The following FLYWCH1 variants were observed in gnomAD, a reference collection of about 807,000 sequenced individuals.
The protein encoded by FLYWCH1 is FLYWCH-type zinc finger 1.
FLYWCH1 carries 75 observed loss-of-function variants against 66.4 expected under a neutral mutation model. The observed-to-expected ratio is 1.13, with a 90% CI of 0.94 to 1.37. The LOEUF is 1.37. FLYWCH1 is among the 40% of genes most tolerant of loss of function. The probability of loss-of-function intolerance (pLI) is 0.00; values close to 1 mark genes in which losing one functional copy is unlikely to be tolerated. For missense variants in FLYWCH1, 1,334 were observed against 1,001.8 expected, an observed-to-expected ratio of 1.33 and a Z score of -4.48; for synonymous variants, 595 against 429.9, an observed-to-expected ratio of 1.38 and a Z score of -4.75.
At chr16:2,931,059 C>T (rs2070745447) in intron 4 of FLYWCH1, among the ~76,000 whole-genome samples, 179 bp downstream of exon 4, 2 of 152,208 alleles carry the variant, frequency 1.3e-5, no homozygotes, top group South Asian at 4.1e-4. Context: ...AATCCCAGCA[C>T]TTTGGGAGGC....
intron 2 of FLYWCH1, among the ~76,000 whole-genome samples, chr16:2,927,799 T>C (rs1567328719): frequency 6.6e-6 from 1 of 152,142 alleles, no homozygotes; most frequent in Non-Finnish European, 1.5e-5. Context: ...ATGAGACTGA[T>C]AAAAGAAATA....
chr16:2,926,984 G>A (rs2070589771), intron 2 of FLYWCH1, among the ~76,000 whole-genome samples: 2 of 152,152 alleles, frequency 1.3e-5, no homozygotes, highest in African/African-American at 4.8e-5. Flanking sequence ...TCCAGATACA[G>A]TATCCACAAT....
chr16:2,927,597 C>G (rs1416218355), intron 2 of FLYWCH1, among the ~76,000 whole-genome samples: 1 of 152,086 alleles, frequency 6.6e-6, no homozygotes, highest in Admixed American at 6.5e-5. Flanking sequence ...TTTAGGAGGA[C>G]AAGTTAGAAC....
chr16:2,930,475 T>G lies in FLYWCH1; in HGVS notation c.391T>G (p.Phe131Val). The change falls in exon 4 of 10, where the codon TTC (phenylalanine) becomes GTC (valine). Residue 131 changes from phenylalanine to valine, a missense_variant. By Grantham distance (50) the Phe-to-Val change is conservative. Coordinates refer to ENST00000253928, the MANE Select transcript of FLYWCH1 (RefSeq NM_001308068.2). The stretch of plus-strand genomic sequence containing the variant: ...GGGCCGCCTCCTGGTGCTGGAGTCC[T>G]TCCTGTACAAGCAGGAGAAGGCAGT... ...FGGRLLVLES[F>V]LYKQEKAVGD... 1 of 1,520,842 alleles carries G rather than the reference T, an allele frequency of 6.6e-7. No homozygotes were observed. Among genetic ancestry groups the G allele is most frequent in the East Asian group, 2.4e-5 (1 of 41,452 alleles). The allele number at this position is 1,520,842 out of a possible 1,614,324, so 94.2% of individuals were successfully genotyped here.
At chr16:2,915,835 T>C (rs939108023) in intron 2 of FLYWCH1, among the ~76,000 whole-genome samples, 1 of 151,016 alleles carries the variant, frequency 6.6e-6, no homozygotes, top group African/African-American at 2.4e-5. Context: ...CAAAGAAGAA[T>C]CTACAAGATT....
chr16:2,914,239 C>T lies in FLYWCH1; in HGVS notation c.-124C>T, dbSNP rs77881526. The T allele has an allele frequency of 1.2e-4, 19 of 152,376 alleles. No homozygotes were observed. The highest frequency in any genetic ancestry group is 7.8e-4 in the Admixed American group (12 of 15,306). The allele number at this position is 152,376 out of a possible 1,614,324, so 9.4% of individuals were successfully genotyped here. A position where few individuals can be genotyped will look rare whatever the true frequency, so the allele number is the denominator to read the frequency against. Reference sequence around the variant, plus strand: ...GGGCTCCTGCCCAGCAAGCCAGCGCCGTGACCCAGGTGTGGGGGATGATGG... The same window carrying T: ...GGGCTCCTGCCCAGCAAGCCAGCGCTGTGACCCAGGTGTGGGGGATGATGG... On this transcript the variant is annotated 5_prime_UTR_variant, in exon 2 of 10. Coordinates refer to ENST00000253928, the MANE Select transcript of FLYWCH1 (RefSeq NM_001308068.2).
At chr16:2,917,293 G>GA (rs2070204933) in intron 2 of FLYWCH1, among the ~76,000 whole-genome samples, 1 of 148,600 alleles carries the variant, frequency 6.7e-6, no homozygotes, top group South Asian at 2.2e-4. Flanking sequence ...GCAATGGTGG[G>GA]ATCTCTGCTC....
At chr16:2,936,568 C>G (rs1224407965) in intron 6 of FLYWCH1, 10 of 456,630 alleles carry the variant, frequency 2.2e-5, no homozygotes, top group East Asian at 7.0e-5. Context: ...GCCCCTGAGC[C>G]TGCACGGAGG....
Position 2,930,728 on chromosome 16 carries a change from C to T in FLYWCH1, c.644C>T (p.Pro215Leu), listed in dbSNP as rs1398522419. 1 of 1,551,122 alleles carries T rather than the reference C, an allele frequency of 6.4e-7. No individual in the cohort carries two copies. The highest frequency in any genetic ancestry group is 1.4e-5 in the African/African-American group (1 of 73,246). Residue 215 changes from proline (P) to leucine (L), a missense_variant, in exon 4 of 10, where the codon CCC (proline) becomes CTC (leucine). By Grantham distance (98) the Pro-to-Leu change is moderately conservative. Coordinates refer to ENST00000253928, the MANE Select transcript of FLYWCH1 (RefSeq NM_001308068.2). ...PEGPGGRVEE[P>L]LEGVGPWQCP... ...GGCCCTGGAGGCCGAGTGGAGGAGC[C>T]CCTGGAGGGGGTGGGCCCGTGGCAG...
chr16:2,921,791 T>G (rs1000421486), intron 2 of FLYWCH1, among the ~76,000 whole-genome samples: 1 of 152,102 alleles, frequency 6.6e-6, no homozygotes, highest in Non-Finnish European at 1.5e-5. Flanking sequence ...TGGCCGGGTG[T>G]GGTGGCTCAC....
At chr16:2,914,115 C>G (rs984917117) in intron 1 of FLYWCH1, 61 bp from the exon 2 acceptor site, 1 of 152,226 alleles carries the variant, frequency 6.6e-6, no homozygotes, top group African/African-American at 2.4e-5. Flanking sequence ...GTCTAATGGT[C>G]GACAGTTCAT....
intron 6 of FLYWCH1, chr16:2,935,798 T>C (rs1452723074): frequency 6.6e-6 from 1 of 152,356 alleles, no homozygotes; most frequent in Admixed American, 6.5e-5. Context: ...TTTTAGGCTT[T>C]GGGCTTGTGT....
intron 2 of FLYWCH1, among the ~76,000 whole-genome samples, chr16:2,925,590 C>A (rs1176618006): frequency 6.5e-5 from 7 of 107,336 alleles, no homozygotes; most frequent in Admixed American, 1.0e-4. Context: ...GAGGGGGGTA[C>A]GGGGCTTTCC....
At chr16:2,929,077 C>T (rs987036324) in intron 2 of FLYWCH1, among the ~76,000 whole-genome samples, 1 of 152,194 alleles carries the variant, frequency 6.6e-6, no homozygotes, top group African/African-American at 2.4e-5. Context: ...CGTACCAGGC[C>T]CACATGCCTG....
intron 2 of FLYWCH1, among the ~76,000 whole-genome samples, chr16:2,928,394 C>T (rs549733371): frequency 6.6e-6 from 1 of 152,286 alleles, no homozygotes; most frequent in African/African-American, 2.4e-5. Context: ...AAACCTTGGA[C>T]AATACCTAGG....
intron 2 of FLYWCH1, chr16:2,922,610 A>T: frequency 2.9e-6 from 1 of 345,308 alleles, no homozygotes; most frequent in South Asian, 2.5e-5. Flanking sequence ...AGATTTTTTT[A>T]TGGTGAAAAG....
chr16:2,941,644 G>T (rs2071266338), intron 9 of FLYWCH1, among the ~76,000 whole-genome samples: 1 of 149,236 alleles, frequency 6.7e-6, no homozygotes, highest in South Asian at 2.1e-4. Flanking sequence ...TGGGTGGCTA[G>T]GGTGGGAGGA....
intron 4 of FLYWCH1, among the ~76,000 whole-genome samples, chr16:2,932,273 A>G (rs2070792126): frequency 3.2e-5 from 2 of 63,112 alleles, no homozygotes; most frequent in Non-Finnish European, 6.8e-5. Context: ...CCTGTCTCAA[A>G]AAAAAAAAAA....
chr16:2,917,481 A>G (rs1051937260), intron 2 of FLYWCH1, among the ~76,000 whole-genome samples: 45 of 151,872 alleles, frequency 3.0e-4, no homozygotes, highest in Non-Finnish European at 5.6e-4. Flanking sequence ...CGCCCATCTC[A>G]GCCTCCCAAA....
Sources: gnomAD v4.1 joint callset for allele counts (sites outside exome capture counted in the v4.1 genomes callset) on GRCh38, gnomAD v4.1.1 for gene constraint, MANE v1.5 for transcripts, NCBI Gene and HGNC (gene_info 2026-07-23, HGNC 2026-07-21) for gene names.